The following DISC1 variants were observed in gnomAD, a reference collection of about 807,000 sequenced individuals.
DISC1 encodes disrupted in schizophrenia 1 protein.
In DISC1, 57 loss-of-function variants were observed where a neutral mutation model predicts 84.5. The observed-to-expected ratio is 0.67, with a 90% CI of 0.55 to 0.84. The LOEUF (loss-of-function observed/expected upper bound fraction) is 0.84. Ranked by LOEUF, DISC1 falls within the 40% of genes least tolerant of loss-of-function variation. The pLI is 0.00. For missense variants in DISC1, 1,000 were observed against 1,057.8 expected (o/e 0.95, Z 0.76); for synonymous variants, 411 against 415.2 (o/e 0.99, Z 0.12).
At chr1:231,843,817 T>G (rs920401573) in intron 9 of DISC1, among the ~76,000 whole-genome samples, 5 of 152,164 alleles carry the variant, frequency 3.3e-5, no homozygotes, top group African/African-American at 1.2e-4. Flanking sequence ...CAGTTGAGTT[T>G]GCAGTTTCTG....
At chr1:231,749,700 CT>C (rs1256584661) in intron 3 of DISC1, among the ~76,000 whole-genome samples, 1 of 151,996 alleles carries the variant, frequency 6.6e-6, no homozygotes, top group Non-Finnish European at 1.5e-5. Context: ...CAACAATGAC[CT>C]TTGAGAGTTA....
chr1:231,869,967 C>G (rs1166169912), intron 9 of DISC1, among the ~76,000 whole-genome samples: 1 of 152,126 alleles, frequency 6.6e-6, no homozygotes, highest in African/African-American at 2.4e-5. Context: ...CAAAGCTGAA[C>G]TTTAAATAGG....
chr1:231,969,410 AC>A (rs1302721581), intron 10 of DISC1, among the ~76,000 whole-genome samples: 4 of 151,740 alleles, frequency 2.6e-5, no homozygotes, highest in Non-Finnish European at 4.4e-5. Flanking sequence ...TTTGAGATTG[AC>A]AGAGCTCAAA....
intron 9 of DISC1, among the ~76,000 whole-genome samples, chr1:231,942,998 C>T (rs978502968): frequency 2.6e-5 from 4 of 152,210 alleles, no homozygotes; most frequent in African/African-American, 7.2e-5. Context: ...TTTTCTCTTC[C>T]TTTGTCCATT....
chr1:231,841,377 TC>T (rs1270076463), intron 9 of DISC1, among the ~76,000 whole-genome samples: 1 of 152,204 alleles, frequency 6.6e-6, no homozygotes, highest in African/African-American at 2.4e-5. Context: ...GTGTGCACAC[TC>T]CCCAGACCCT....
At chr1:231,971,978 A>G (rs1662022963) in intron 10 of DISC1, among the ~76,000 whole-genome samples, 1 of 152,190 alleles carries the variant, frequency 6.6e-6, no homozygotes, top group South Asian at 2.1e-4. Flanking sequence ...TGACTGAGTT[A>G]TTTCCTTTAT....
At chr1:231,847,510 G>T (rs1038125748) in intron 9 of DISC1, among the ~76,000 whole-genome samples, 7 of 152,122 alleles carry the variant, frequency 4.6e-5, no homozygotes, top group African/African-American at 1.7e-4. Flanking sequence ...AAATAATCCA[G>T]AAAGTTACCT....
At chr1:231,731,956 G>A (rs2071575069) in intron 3 of DISC1, among the ~76,000 whole-genome samples, 1 of 152,208 alleles carries the variant, frequency 6.6e-6, no homozygotes, top group African/African-American at 2.4e-5. Context: ...CTGAGTCTTA[G>A]AGAGGTTCTG....
At chr1:231,973,226 T>C (rs958068596) in intron 10 of DISC1, among the ~76,000 whole-genome samples, 1 of 152,102 alleles carries the variant, frequency 6.6e-6, no homozygotes, top group African/African-American at 2.4e-5. Context: ...TTTGTATTTT[T>C]AAGTAGAGAT....
intron 2 of DISC1, among the ~76,000 whole-genome samples, chr1:231,697,209 G>A (rs1378651784): frequency 6.6e-6 from 1 of 152,178 alleles, no homozygotes; most frequent in African/African-American, 2.4e-5. Context: ...TCCTTTGAAA[G>A]AGTAGGATTT....
chr1:231,890,317 C>A (rs2087104498), intron 9 of DISC1, among the ~76,000 whole-genome samples: 1 of 152,110 alleles, frequency 6.6e-6, no homozygotes, highest in African/African-American at 2.4e-5. Context: ...CAGTAAAGAT[C>A]CTATGAAATC....
intron 11 of DISC1, among the ~76,000 whole-genome samples, chr1:232,017,645 G>A (rs60152269): frequency 0.067 from 10,173 of 152,062 alleles, 763 homozygotes; most frequent in African/African-American, 0.19. Flanking sequence ...ACGGCAAAGA[G>A]TACCGTATCC....
intron 3 of DISC1, among the ~76,000 whole-genome samples, chr1:231,729,690 T>C (rs2071250144): frequency 6.6e-6 from 1 of 152,136 alleles, no homozygotes; most frequent in Admixed American, 6.6e-5. Context: ...AGTGGAAATA[T>C]TTTATTTAAT....
chr1:232,036,915 G>A lies in DISC1; in HGVS notation c.*84G>A, dbSNP rs868575927. 6.5e-6 allele frequency: 9 copies of A among 1,385,178 alleles called. No homozygotes were observed. The highest frequency in any genetic ancestry group is 5.8e-5 in the African/African-American group (4 of 69,418). 85.8% of individuals were successfully genotyped at this position (1,385,178 alleles called of 1,614,324 possible). On this transcript the variant is annotated 3_prime_UTR_variant, in exon 13 of 13. Coordinates refer to ENST00000439617, the MANE Select transcript of DISC1 (RefSeq NM_018662.3). The stretch of plus-strand genomic sequence containing the variant: ...TTCCCTCCCCCGCCATAGCTAAGAT[G>A]CCTGAATCAATTACGGAGATACAGA...
intron 3 of DISC1, among the ~76,000 whole-genome samples, chr1:231,731,598 A>G (rs2071523771): frequency 6.6e-6 from 1 of 152,058 alleles, no homozygotes; most frequent in Admixed American, 6.5e-5. Flanking sequence ...CACTCTTAAT[A>G]CTTTGTTATA....
At chr1:232,023,824 A>AG in intron 11 of DISC1, among the ~76,000 whole-genome samples, 1 of 151,892 alleles carries the variant, frequency 6.6e-6, no homozygotes, top group East Asian at 1.9e-4. Flanking sequence ...TCCTGCTAAC[A>AG]CTGTATGTTT....
At position 231,630,304 on chromosome 1, in the gene DISC1, T is replaced by C. The variant is rs531586213; in HGVS notation, c.67+3370T>C. On this transcript the variant is annotated intron_variant, in intron 1 of 12. Coordinates refer to ENST00000439617, the MANE Select transcript of DISC1 (RefSeq NM_018662.3). The surrounding 1 kb of genome is among the most constrained non-coding windows in gnomAD (Gnocchi z 4.4). ...AGGTAATATTTTAGGTTAGGGTCATTAGACCAGAATTAGAATCATTCTTTT... is the reference window on the plus strand; with the variant it reads ...AGGTAATATTTTAGGTTAGGGTCATCAGACCAGAATTAGAATCATTCTTTT... 2.6e-5 allele frequency among the ~76,000 whole-genome samples: 4 copies of C among 152,148 alleles called. No individual in the cohort carries two copies. The highest frequency in any genetic ancestry group is 5.9e-5 in the Non-Finnish European group (4 of 68,030).
At position 232,025,384 on chromosome 1, in the gene DISC1, C is replaced by T. The variant is rs1050986808; in HGVS notation, c.2308-1051C>T. On this transcript the variant is annotated intron_variant, in intron 11 of 12. Coordinates refer to ENST00000439617, the MANE Select transcript of DISC1 (RefSeq NM_018662.3). ...GTCCTATGAAGACAGAGTTTAGACT[C>T]TGCTCTGTGGTGGTTTCGTGCAGGA... 3.3e-5 allele frequency among the ~76,000 whole-genome samples: 5 copies of T among 152,248 alleles called. No individual in the cohort carries two copies. The Middle Eastern group carries it at 0.01, about 311-fold the overall frequency.
In DISC1 at chr1:232,037,056, A is replaced by C. The variant is rs1670573959; in HGVS notation, c.*225A>C. Reference sequence around the variant, plus strand: ...ACTGATTTGCTGAATTTCCTTCTAAATGTCACTCAAAAATTTCTTTTCCAT... The same window carrying C: ...ACTGATTTGCTGAATTTCCTTCTAACTGTCACTCAAAAATTTCTTTTCCAT... On this transcript the variant is annotated 3_prime_UTR_variant, in exon 13 of 13. Coordinates refer to ENST00000439617, the MANE Select transcript of DISC1 (RefSeq NM_018662.3). The C allele has an allele frequency of 5.3e-6, 2 of 376,568 alleles. No homozygotes were observed. The highest frequency in any genetic ancestry group is 4.5e-5 in the East Asian group (1 of 22,370). 23.3% of individuals were successfully genotyped at this position (376,568 alleles called of 1,614,324 possible).
Sources: allele counts gnomAD v4.1 joint callset (sites outside exome capture counted in the v4.1 genomes callset), GRCh38; gene constraint gnomAD v4.1.1; non-coding constraint Gnocchi (gnomAD v3.1); transcripts MANE v1.5; gene names NCBI Gene and HGNC (gene_info 2026-07-23, HGNC 2026-07-21).